Variants in ORC4 observed in about 807,000 individuals in gnomAD.
ORC4 encodes origin recognition complex subunit 4.
A neutral mutation model predicts 63.9 loss-of-function variants in ORC4; 55 were observed. The observed-to-expected ratio is 0.86, with a 90% CI of 0.69 to 1.08. The LOEUF (loss-of-function observed/expected upper bound fraction) is 1.08. Ranked by LOEUF, ORC4 falls within the 50% of genes least tolerant of loss-of-function variation. The pLI is 0.00. For synonymous variants in ORC4, 150 were observed against 168.5 expected, an observed-to-expected ratio of 0.89 and a Z score of 0.85; for missense variants, 511 against 504.4, an observed-to-expected ratio of 1.01 and a Z score of -0.13.
In ORC4 at chr2:147,939,153, T is replaced by G; in HGVS notation, c.945A>C (p.Ala315=). 6.2e-7 allele frequency: 1 copy of G among 1,602,668 alleles called. No homozygotes were observed. The highest frequency in any genetic ancestry group is 1.3e-5 in the African/African-American group (1 of 74,810). Reference sequence around the variant, plus strand: ...CTGGGTTCTCACCATGTACAATATTTGCTTTCGAGTCCATGCTACACAGTT... The same window carrying G: ...CTGGGTTCTCACCATGTACAATATTGGCTTTCGAGTCCATGCTACACAGTT... ...ASQLCSMDSK[A]NIVHGLSVLE... The change falls in exon 11 of 14, where the codon GCA becomes GCC. Residue 315 remains alanine, a synonymous_variant. Coordinates refer to ENST00000392857, the MANE Select transcript of ORC4 (RefSeq NM_181741.4).
chr2:147,937,982 TCA>T, intron 13 of ORC4, 162 bp downstream of exon 13: 1 of 648,310 alleles, frequency 1.5e-6, no homozygotes, highest in South Asian at 2.0e-5. Flanking sequence ...GGTCACTTCC[TCA>T]GATTTTTCCA....
intron 1 of ORC4, among the ~76,000 whole-genome samples, chr2:147,991,008 A>G (rs13003171): frequency 0.26 from 39,379 of 151,464 alleles, 5,954 homozygotes; most frequent in East Asian, 0.46. Context: ...ACACATACAT[A>G]TATATACACA....
At chr2:147,998,446 C>A (rs1421195572) in intron 1 of ORC4, among the ~76,000 whole-genome samples, 2 of 152,176 alleles carry the variant, frequency 1.3e-5, no homozygotes, top group African/African-American at 4.8e-5. Context: ...TCTCATGAGA[C>A]TGGATTAGTT....
At chr2:147,997,005 G>A (rs545949167) in intron 1 of ORC4, among the ~76,000 whole-genome samples, 2 of 152,160 alleles carry the variant, frequency 1.3e-5, no homozygotes, top group Non-Finnish European at 2.9e-5. Flanking sequence ...GTAAGCAAGA[G>A]TGTCCTTCAA....
In ORC4 at chr2:147,952,287, T is replaced by C. The variant is rs549792114; in HGVS notation, c.588+86A>G. The C allele has an allele frequency of 5.0e-6, 5 of 999,346 alleles. No homozygotes were observed. The African/African-American group carries it at 8.2e-5, about 16-fold the overall frequency. 61.9% of individuals were successfully genotyped at this position (999,346 alleles called of 1,614,324 possible). ...AACAAAATTTTTAAAATGACCTAAA[T>C]AAGTGAAAAAAACTAGCAGTGTCAG... On this transcript the variant is annotated intron_variant, in intron 8 of 13. Transcript: ENST00000392857.
chr2:147,961,089 T>C (rs1689565419), intron 4 of ORC4, among the ~76,000 whole-genome samples: 1 of 152,048 alleles, frequency 6.6e-6, no homozygotes, highest in Non-Finnish European at 1.5e-5. Flanking sequence ...GGATTAGGGG[T>C]TAAAACAAAC....
At chr2:148,007,253 C>T (rs994653677) in intron 1 of ORC4, among the ~76,000 whole-genome samples, 2 of 152,164 alleles carry the variant, frequency 1.3e-5, no homozygotes, top group Non-Finnish European at 2.9e-5. Context: ...GAAAACAGGA[C>T]CTCACCAAAC....
intron 8 of ORC4, 73 bp downstream of exon 8, chr2:147,952,300 C>T (rs1479134277): frequency 8.9e-7 from 1 of 1,121,466 alleles, no homozygotes; most frequent in Non-Finnish European, 1.3e-6. Flanking sequence ...GTGAAAAAAA[C>T]TAGCAGTGTC....
chr2:147,962,172 C>T (rs1390475413), intron 4 of ORC4, among the ~76,000 whole-genome samples: 3 of 152,110 alleles, frequency 2.0e-5, no homozygotes, highest in Non-Finnish European at 4.4e-5. Context: ...GGAGGGACTT[C>T]CCGTTCTGGG....
chr2:147,988,645 G>A (rs921123933), intron 1 of ORC4, among the ~76,000 whole-genome samples: 1 of 152,002 alleles, frequency 6.6e-6, no homozygotes, highest in Non-Finnish European at 1.5e-5. Flanking sequence ...GAATCACCAC[G>A]CCCAGCCTCA....
At chr2:147,963,784 G>A (rs2105328288) in intron 4 of ORC4, among the ~76,000 whole-genome samples, 1 of 152,214 alleles carries the variant, frequency 6.6e-6, no homozygotes, top group African/African-American at 2.4e-5. Flanking sequence ...TTGCAAAGCT[G>A]TACAACTGCC....
At chr2:148,017,681 A>T (rs1314226788) in intron 1 of ORC4, among the ~76,000 whole-genome samples, 1 of 152,194 alleles carries the variant, frequency 6.6e-6, no homozygotes, top group Non-Finnish European at 1.5e-5. Context: ...CCAGGGGGGA[A>T]AAAATCTCCA....
rs983143686 is a variant in ORC4, at chr2:147,930,619, G to A, written c.*4891C>T. ...AGAATATTGGTAAGCAGTTATTTTC[G>A]CTTTACTCTGTATTTCTTGTGTTTT... On this transcript the variant is annotated 3_prime_UTR_variant, in exon 14 of 14. Coordinates refer to ENST00000392857, the MANE Select transcript of ORC4 (RefSeq NM_181741.4). 1 of 152,054 alleles carries A rather than the reference G, an allele frequency of 6.6e-6. No homozygotes were observed. The highest frequency in any genetic ancestry group is 1.5e-5 in the Non-Finnish European group (1 of 67,906). 9.4% of individuals were successfully genotyped at this position (152,054 alleles called of 1,614,324 possible).
chr2:147,931,097 A>C lies in ORC4; in HGVS notation c.*4413T>G, dbSNP rs1384947083. On this transcript the variant is annotated 3_prime_UTR_variant, in exon 14 of 14. Coordinates refer to ENST00000392857, the MANE Select transcript of ORC4 (RefSeq NM_181741.4). ...GTTCAATTCCCACCTATGAGTGAGA[A>C]TATGCGGTGTTTGGTTTTTTGTTCT... The C allele has an allele frequency of 6.8e-6, 1 of 147,080 alleles. No homozygotes were observed. Among genetic ancestry groups the C allele is most frequent in the African/African-American group, 2.5e-5 (1 of 39,726 alleles). The allele number at this position is 147,080 out of a possible 1,614,324, so 9.1% of individuals were successfully genotyped here. A position where few individuals can be genotyped will look rare whatever the true frequency, so the allele number is the denominator to read the frequency against.
At chr2:147,966,174 T>C (rs1049382968) in intron 4 of ORC4, among the ~76,000 whole-genome samples, 2 of 150,918 alleles carry the variant, frequency 1.3e-5, no homozygotes, top group Non-Finnish European at 3.0e-5. Context: ...CAAAAGAAAA[T>C]AGAAACACAA....
At chr2:147,987,661 G>A (rs1691300023) in intron 1 of ORC4, among the ~76,000 whole-genome samples, 1 of 152,008 alleles carries the variant, frequency 6.6e-6, no homozygotes, top group Non-Finnish European at 1.5e-5. Context: ...TTTCAAAGTT[G>A]TCCAAGCACA....
intron 10 of ORC4, among the ~76,000 whole-genome samples, chr2:147,941,334 A>T (rs879437829): frequency 6.5e-4 from 99 of 152,146 alleles, no homozygotes; most frequent in African/African-American, 2.3e-3. Flanking sequence ...TTAGGTAACT[A>T]GACTTTCTCT....
intron 2 of ORC4, among the ~76,000 whole-genome samples, chr2:147,975,694 C>G (rs991389708): frequency 2.6e-5 from 4 of 152,084 alleles, no homozygotes; most frequent in Non-Finnish European, 5.9e-5. Context: ...TTAATTTTGA[C>G]AGAGTTTGGA....
At chr2:147,999,084 TACA>T (rs1021007786) in intron 1 of ORC4, among the ~76,000 whole-genome samples, 5 of 152,290 alleles carry the variant, frequency 3.3e-5, no homozygotes, top group South Asian at 2.1e-4. Flanking sequence ...AATATAAACA[TACA>T]ACAAGTTCAC....
Sources: allele counts gnomAD v4.1 joint callset (sites outside exome capture counted in the v4.1 genomes callset), GRCh38; gene constraint gnomAD v4.1.1; transcripts MANE v1.5; gene names NCBI Gene and HGNC (gene_info 2026-07-23, HGNC 2026-07-21).